SYNE2: variants seen among roughly 807,000 people sequenced by gnomAD.
SYNE2 encodes the protein nesprin-2.
SYNE2 carries 431 observed loss-of-function variants against 856.3 expected under a neutral mutation model. The observed-to-expected ratio is 0.50, with a 90% CI of 0.47 to 0.55. The LOEUF (loss-of-function observed/expected upper bound fraction) is 0.55, where lower values mean the gene tolerates loss of function less well. Among genes scored for constraint, SYNE2 ranks in the 20% least tolerant of loss-of-function variants. SYNE2 has a pLI of 0.00. For missense variants in SYNE2, 8,129 were observed against 8,023.2 expected (o/e 1.01, Z -0.50); for synonymous variants, 2,923 against 2,872.3 (o/e 1.02, Z -0.56).
chr14:64,098,235 A>T, intron 62 of SYNE2, 89 bp downstream of exon 62: 1 of 1,400,212 alleles, frequency 7.1e-7, no homozygotes, highest in Non-Finnish European at 1.0e-6. Context: ...TGTGGCATCT[A>T]TGTCTATGGC....
intron 1 of SYNE2, among the ~76,000 whole-genome samples, chr14:63,826,703 T>C (rs866083909): frequency 6.6e-6 from 1 of 152,004 alleles, no homozygotes. Context: ...CTTACAAAAA[T>C]TAACCAAAAA....
chr14:64,100,150 A>G (rs2097709401), intron 63 of SYNE2: 1 of 152,064 alleles, frequency 6.6e-6, no homozygotes, highest in Non-Finnish European at 1.5e-5. Flanking sequence ...CTATGCAGCC[A>G]TAAAAAATGA....
chr14:64,095,901 G>T (rs998907731), intron 61 of SYNE2, among the ~76,000 whole-genome samples: 1 of 152,078 alleles, frequency 6.6e-6, no homozygotes, highest in Non-Finnish European at 1.5e-5. Context: ...AGTCATGAGG[G>T]CTCTTCCCTC....
chr14:63,784,050 T>C (rs1289868912), intron 1 of SYNE2, among the ~76,000 whole-genome samples: 1 of 152,208 alleles, frequency 6.6e-6, no homozygotes, highest in Non-Finnish European at 1.5e-5. Flanking sequence ...TCAAAAAATA[T>C]ACATGTGCAT....
At chr14:64,063,030 C>T in intron 50 of SYNE2, 135 bp downstream of exon 50, 2 of 1,061,860 alleles carry the variant, frequency 1.9e-6, no homozygotes, top group Non-Finnish European at 2.8e-6. Context: ...ATGAATATTC[C>T]TCAAATCGAA....
At position 64,107,545 on chromosome 14, in the gene SYNE2, C is replaced by G; in HGVS notation, c.12547C>G (p.Pro4183Ala). 1.2e-6 allele frequency: 2 copies of G among 1,614,186 alleles called. No homozygotes were observed. The highest frequency in any genetic ancestry group is 1.7e-6 in the Non-Finnish European group (2 of 1,180,044). The change falls in exon 65 of 116, where the codon CCA becomes GCA. Residue 4183 changes from proline to alanine, a missense_variant. By Grantham distance (27) the Pro-to-Ala change is conservative. Coordinates refer to ENST00000555002, the MANE Select transcript of SYNE2 (RefSeq NM_182914.3). ...SDNSMAQILT[P>A]DSLNTEQGPE... Reference sequence around the variant, plus strand: ...TAATTCCATGGCACAAATCCTCACACCAGACTCACTAAACACTGAGCAAGG... The same window carrying G: ...TAATTCCATGGCACAAATCCTCACAGCAGACTCACTAAACACTGAGCAAGG...
At chr14:63,794,175 A>C (rs992410217) in intron 1 of SYNE2, among the ~76,000 whole-genome samples, 2 of 152,114 alleles carry the variant, frequency 1.3e-5, no homozygotes, top group African/African-American at 4.8e-5. Context: ...ATAACTGGAA[A>C]CTTTATTTAT....
chr14:63,859,960 C>G (rs1164613520), intron 1 of SYNE2, among the ~76,000 whole-genome samples: 4 of 133,414 alleles, frequency 3.0e-5, no homozygotes, highest in African/African-American at 1.1e-4. Context: ...TCCCTCCCTC[C>G]CTCCCTCCCT....
upstream of SYNE2, among the ~76,000 whole-genome samples, chr14:63,850,245 CTTT>C (rs34763098): frequency 0.022 from 2,491 of 112,434 alleles, 41 homozygotes; most frequent in South Asian, 0.081. Flanking sequence ...CCACACCTAG[CTTT>C]TTTTTTTTTT....
chr14:64,214,613 C>T, intron 106 of SYNE2, 143 bp downstream of exon 106: 1 of 773,410 alleles, frequency 1.3e-6, no homozygotes, highest in Non-Finnish European at 2.1e-6. Flanking sequence ...CTCTATCCTG[C>T]CCATCTCTTA....
intron 74 of SYNE2, among the ~76,000 whole-genome samples, chr14:64,128,911 A>G (rs2097979632): frequency 6.6e-6 from 1 of 152,224 alleles, no homozygotes; most frequent in African/African-American, 2.4e-5. Context: ...CAATAATTTG[A>G]CTTCATGTAT....
At chr14:63,980,518 C>G (rs1205368586) in intron 14 of SYNE2, 136 bp from the exon 15 acceptor site, 1 of 619,524 alleles carries the variant, frequency 1.6e-6, no homozygotes. Flanking sequence ...TGTTTTCCTA[C>G]CAAATATGTA....
intron 64 of SYNE2, among the ~76,000 whole-genome samples, chr14:64,105,298 A>G (rs1308264228): frequency 6.6e-6 from 1 of 152,208 alleles, no homozygotes. Context: ...TCTACTGAAG[A>G]AAATGCAAAC....
chr14:63,807,168 CA>C (rs1215684152), intron 1 of SYNE2, among the ~76,000 whole-genome samples: 1 of 151,542 alleles, frequency 6.6e-6, no homozygotes, highest in African/African-American at 2.4e-5. Flanking sequence ...CAAAAAGTAC[CA>C]AAAAATAAAA....
chr14:64,195,671 T>C (rs1436861243), intron 99 of SYNE2, among the ~76,000 whole-genome samples: 1 of 152,256 alleles, frequency 6.6e-6, no homozygotes. Flanking sequence ...AAGATTGTTT[T>C]CCATGCCTTG....
intron 96 of SYNE2, among the ~76,000 whole-genome samples, chr14:64,180,833 A>C (rs533822614): frequency 3.9e-5 from 6 of 152,292 alleles, no homozygotes; most frequent in Admixed American, 3.9e-4. Flanking sequence ...CTAATCACAA[A>C]AGATATATCT....
At chr14:63,824,819 A>T (rs1439063699) in intron 1 of SYNE2, among the ~76,000 whole-genome samples, 4 of 152,058 alleles carry the variant, frequency 2.6e-5, no homozygotes. Context: ...CACAAAAATT[A>T]AAAATTAATT....
chr14:63,855,903 C>A (rs1380526714), intron 1 of SYNE2, among the ~76,000 whole-genome samples: 3 of 152,132 alleles, frequency 2.0e-5, no homozygotes, highest in Non-Finnish European at 4.4e-5. Context: ...AGTGCTGGGA[C>A]ATGGAATAAC....
intron 84 of SYNE2, among the ~76,000 whole-genome samples, chr14:64,146,743 A>T (rs1395111845): frequency 6.6e-6 from 1 of 152,222 alleles, no homozygotes; most frequent in Non-Finnish European, 1.5e-5. Context: ...CGCATCACTC[A>T]GTCTTTGCAC....
Sources: gnomAD v4.1 joint callset for allele counts (sites outside exome capture counted in the v4.1 genomes callset) on GRCh38, gnomAD v4.1.1 for gene constraint, MANE v1.5 for transcripts, NCBI Gene and HGNC (gene_info 2026-07-23, HGNC 2026-07-21) for gene names.